Variants in NEDD1 observed in about 807,000 individuals in gnomAD.
The protein encoded by NEDD1 is NEDD1 gamma-tubulin ring complex targeting factor.
A neutral mutation model predicts 74.0 loss-of-function variants in NEDD1; 33 were observed. The ratio of observed to expected loss-of-function variants is 0.45; its 90% CI spans 0.34 to 0.60. NEDD1 has a LOEUF of 0.60. Ranked by LOEUF, NEDD1 falls within the 20% of genes least tolerant of loss-of-function variation. NEDD1 has a pLI of 0.01. For synonymous variants in NEDD1, 250 were observed against 264.4 expected, an observed-to-expected ratio of 0.95 and a Z score of 0.53; for missense variants, 746 against 776.5, an observed-to-expected ratio of 0.96 and a Z score of 0.47.
chr12:96,951,804 A>G lies in NEDD1; in HGVS notation c.1879-145A>G. ...CAACGATCTTCCATTTATATTAACAAACTAGTAAGTTGTTAAGTACAAGAA... is the reference window on the plus strand; with the variant it reads ...CAACGATCTTCCATTTATATTAACAGACTAGTAAGTTGTTAAGTACAAGAA... On this transcript the variant is annotated intron_variant, in intron 15 of 15. Transcript: ENST00000266742. 5.3e-6 allele frequency: 3 copies of G among 569,484 alleles called. No homozygotes were observed. In the East Asian group the frequency reaches 8.8e-5, roughly 17 times the overall value. The allele number at this position is 569,484 out of a possible 1,614,324, so 35.3% of individuals were successfully genotyped here. A position where few individuals can be genotyped will look rare whatever the true frequency, so the allele number is the denominator to read the frequency against.
At chr12:96,924,278 A>G (rs943915112) in intron 6 of NEDD1, among the ~76,000 whole-genome samples, 51 of 152,168 alleles carry the variant, frequency 3.4e-4, no homozygotes, top group African/African-American at 1.2e-3. Context: ...GATATTTTTA[A>G]GTTCACTTTG....
chr12:96,937,254 TAATGTG>T lies in NEDD1; in HGVS notation c.983_988del (p.Val328_Asn329del). 6.2e-7 allele frequency: 1 copy of T among 1,612,872 alleles called. No homozygotes were observed. Among genetic ancestry groups the T allele is most frequent in the Non-Finnish European group, 8.5e-7 (1 of 1,179,176 alleles). ...CCACAACAGTGAACAAACGAAGTGT[TAATGTG>T]AATGCTGCTAGTGGAGGAGTTCAGA... On this transcript the variant is annotated inframe_deletion, in exon 9 of 16. Coordinates refer to ENST00000266742, the MANE Select transcript of NEDD1 (RefSeq NM_152905.4).
chr12:96,942,074 T>C (rs1254229756), intron 10 of NEDD1, among the ~76,000 whole-genome samples: 3 of 152,160 alleles, frequency 2.0e-5, no homozygotes, highest in Non-Finnish European at 4.4e-5. Context: ...TAAAATAATC[T>C]TATACATATT....
chr12:96,932,457 AAAAAAAATATATATAT>A lies in NEDD1; in HGVS notation c.490-2517_490-2502del, dbSNP rs1307115240. 5.5e-4 allele frequency among the ~76,000 whole-genome samples: 7 copies of A among 12,770 alleles called. 1 individual carries two copies. The highest frequency in any genetic ancestry group is 3.6e-3 in the South Asian group (1 of 280). The allele number at this position is 12,770 out of a possible 152,430, so 8.4% of individuals were successfully genotyped here. A position where few individuals can be genotyped will look rare whatever the true frequency, so the allele number is the denominator to read the frequency against. On this transcript the variant is annotated intron_variant, in intron 6 of 15. Transcript: ENST00000266742. ...TCCTGTCTCTTAAAAAAAAAAAAAA[AAAAAAAATATATATAT>A]ATATATATATATATAAAATGCACAC...
intron 4 of NEDD1, among the ~76,000 whole-genome samples, chr12:96,913,917 G>A (rs1427768807): frequency 6.6e-6 from 1 of 152,050 alleles, no homozygotes; most frequent in African/African-American, 2.4e-5. Flanking sequence ...GAAAACAGCA[G>A]GACAACTGAA....
chr12:96,920,709 C>G (rs1425856093), intron 6 of NEDD1, among the ~76,000 whole-genome samples: 1 of 152,050 alleles, frequency 6.6e-6, no homozygotes, highest in Non-Finnish European at 1.5e-5. Flanking sequence ...TTCAAGGAAC[C>G]TAACTCTTGG....
intron 1 of NEDD1, 144 bp from the exon 2 acceptor site, chr12:96,907,460 T>C: frequency 1.6e-6 from 1 of 634,084 alleles, no homozygotes; most frequent in South Asian, 2.1e-5. Context: ...GGCGGCGCGC[T>C]GGGCTGGGAA....
intron 13 of NEDD1, among the ~76,000 whole-genome samples, chr12:96,945,061 TA>T (rs146252155): frequency 0.041 from 6,206 of 152,100 alleles, 421 homozygotes; most frequent in African/African-American, 0.14. Context: ...ATAGAATTAT[TA>T]TGTAGGACCC....
At chr12:96,935,487 A>G (rs1876997217) in intron 7 of NEDD1, among the ~76,000 whole-genome samples, 3 of 152,200 alleles carry the variant, frequency 2.0e-5, no homozygotes, top group Admixed American at 2.0e-4. Context: ...TAAAATGCAT[A>G]TGTTTTTAAC....
At chr12:96,909,640 G>T in intron 2 of NEDD1, 112 bp from the exon 3 acceptor site, 1 of 829,474 alleles carries the variant, frequency 1.2e-6, no homozygotes, top group African/African-American at 1.7e-5. Flanking sequence ...TGCACTGTTT[G>T]GAACAAAAAT....
intron 1 of NEDD1, 97 bp from the exon 2 acceptor site, chr12:96,907,507 C>T: frequency 9.5e-7 from 1 of 1,047,640 alleles, no homozygotes; most frequent in South Asian, 1.4e-5. Context: ...CGCGCACCTC[C>T]CGGAGCCTTG....
chr12:96,909,124 C>G (rs921546871), intron 2 of NEDD1, among the ~76,000 whole-genome samples: 3 of 144,340 alleles, frequency 2.1e-5, no homozygotes, highest in Non-Finnish European at 3.0e-5. Flanking sequence ...TGTGGTGAGC[C>G]GAGATCACAC....
At chr12:96,945,585 T>C (rs1423727455) in intron 13 of NEDD1, 108 bp from the exon 14 acceptor site, 1 of 648,364 alleles carries the variant, frequency 1.5e-6, no homozygotes, top group Non-Finnish European at 2.7e-6. Flanking sequence ...ACAGGAACAC[T>C]CTTCTTTGCC....
intron 13 of NEDD1, among the ~76,000 whole-genome samples, chr12:96,945,435 T>A (rs1878098720): frequency 6.6e-6 from 1 of 152,118 alleles, no homozygotes; most frequent in Non-Finnish European, 1.5e-5. Context: ...GTTCATAGAT[T>A]CTTCAAGATT....
At chr12:96,943,539 T>C in intron 11 of NEDD1, 21 bp from the exon 12 acceptor site, 1 of 1,580,154 alleles carries the variant, frequency 6.3e-7, no homozygotes, top group Admixed American at 1.7e-5. Flanking sequence ...CATATGCACA[T>C]GCAGTTTTTC....
At chr12:96,921,499 G>A (rs900746937) in intron 6 of NEDD1, among the ~76,000 whole-genome samples, 2 of 151,898 alleles carry the variant, frequency 1.3e-5, no homozygotes, top group East Asian at 1.9e-4. Context: ...TCTTTTTCAC[G>A]TGTCCACATT....
intron 14 of NEDD1, among the ~76,000 whole-genome samples, chr12:96,947,943 C>A (rs1028969265): frequency 6.6e-6 from 1 of 152,182 alleles, no homozygotes; most frequent in Non-Finnish European, 1.5e-5. Flanking sequence ...CATAGGCAGC[C>A]TCTGCCTGGG....
At chr12:96,947,252 A>C (rs1032900823) in intron 14 of NEDD1, among the ~76,000 whole-genome samples, 1 of 152,164 alleles carries the variant, frequency 6.6e-6, no homozygotes, top group Non-Finnish European at 1.5e-5. Flanking sequence ...ATGGCATAAT[A>C]GTAGAACTGT....
chr12:96,944,096 G>A (rs1877947066), intron 12 of NEDD1, among the ~76,000 whole-genome samples: 2 of 151,780 alleles, frequency 1.3e-5, no homozygotes, highest in South Asian at 2.1e-4. Flanking sequence ...GCAAACTGAT[G>A]GTGCTGAGAA....
Sources: gnomAD v4.1 joint callset for allele counts (sites outside exome capture counted in the v4.1 genomes callset) on GRCh38, gnomAD v4.1.1 for gene constraint, MANE v1.5 for transcripts, NCBI Gene and HGNC (gene_info 2026-07-23, HGNC 2026-07-21) for gene names.